The following UQCC5 variants were observed in gnomAD, a reference collection of about 807,000 sequenced individuals.
UQCC5 encodes UPF0640 protein C3orf78.
At chr3:52,540,002 G>A in the UQCC5 span, among the ~76,000 whole-genome samples, 1 of 152,214 alleles carries the variant, frequency 6.6e-6, no homozygotes, top group Non-Finnish European at 1.5e-5. Flanking sequence ...GCTGGAACAA[G>A]GAAACTGATC....
At chr3:52,539,156 T>C in the UQCC5 span, among the ~76,000 whole-genome samples, 1 of 152,016 alleles carries the variant, frequency 6.6e-6, no homozygotes, top group South Asian at 2.1e-4. Context: ...GTTAGAGGCA[T>C]CAGTTGGCCC....
chr3:52,539,762 C>T, the UQCC5 span, among the ~76,000 whole-genome samples: 1 of 151,914 alleles, frequency 6.6e-6, no homozygotes, highest in African/African-American at 2.4e-5. Flanking sequence ...CCTAAGCCTC[C>T]TGAGTAGCTG....
chr3:52,537,658 C>T, the UQCC5 span, among the ~76,000 whole-genome samples: 1 of 152,118 alleles, frequency 6.6e-6, no homozygotes, highest in African/African-American at 2.4e-5. Context: ...GCAGAGGTGT[C>T]CCTTACCCCA....
At chr3:52,536,754 G>C in the UQCC5 span, 1 of 1,551,854 alleles carries the variant, frequency 6.4e-7, no homozygotes, top group Non-Finnish European at 8.7e-7. Context: ...CCTCGGTCGA[G>C]CATGTTCACC....
chr3:52,539,179 C>T, the UQCC5 span, among the ~76,000 whole-genome samples: 1 of 152,102 alleles, frequency 6.6e-6, no homozygotes, highest in Non-Finnish European at 1.5e-5. Context: ...CAGGACACAG[C>T]AAGCAGGGTG....
chr3:52,536,613 G>C, the UQCC5 span: 684 of 1,457,724 alleles, frequency 4.7e-4, 1 homozygote, highest in Non-Finnish European at 3.2e-4. Flanking sequence ...GCACTCGTGC[G>C]CCTACCAGAC....
At chr3:52,536,720 GT>G in the UQCC5 span, 2 of 1,551,054 alleles carry the variant, frequency 1.3e-6, no homozygotes, top group African/African-American at 2.7e-5. Flanking sequence ...CCAGTGCTTA[GT>G]TCCGTCATAT....
At chr3:52,537,165 AC>A in the UQCC5 span, among the ~76,000 whole-genome samples, 2 of 151,960 alleles carry the variant, frequency 1.3e-5, no homozygotes, top group East Asian at 3.9e-4. Context: ...CCTGCCCTTC[AC>A]CCCTGCCGGT....
chr3:52,537,001 C>T, the UQCC5 span: 1 of 1,475,440 alleles, frequency 6.8e-7, no homozygotes, highest in Non-Finnish European at 9.2e-7. Flanking sequence ...TTGCAGACCG[C>T]GCATTCCACT....
chr3:52,539,887 T>C, the UQCC5 span, among the ~76,000 whole-genome samples: 10 of 152,188 alleles, frequency 6.6e-5, no homozygotes, highest in Non-Finnish European at 1.5e-4. Flanking sequence ...TCCGCCTGCC[T>C]CGGCCTCCCA....
chr3:52,541,311 C>G, the UQCC5 span: 2 of 152,118 alleles, frequency 1.3e-5, no homozygotes, highest in Admixed American at 1.3e-4. Context: ...ATAGCCACAT[C>G]TAACATCGTT....
the UQCC5 span, among the ~76,000 whole-genome samples, chr3:52,539,731 TG>T: frequency 6.6e-6 from 1 of 151,420 alleles, no homozygotes; most frequent in South Asian, 2.1e-4. Flanking sequence ...CTCTGCCTCC[TG>T]GGTTCAAGCG....
the UQCC5 span, among the ~76,000 whole-genome samples, chr3:52,539,638 A>ATTT: frequency 7.2e-6 from 1 of 139,736 alleles, no homozygotes. Flanking sequence ...AAGGAAGAAG[A>ATTT]TTTTTTTTTT....
chr3:52,541,363 A>G, the UQCC5 span: 2 of 152,214 alleles, frequency 1.3e-5, no homozygotes, highest in Non-Finnish European at 2.9e-5. Context: ...TAAGTTTCAG[A>G]ATAGTTTCTA....
the UQCC5 span, chr3:52,540,613 A>G: frequency 1.0e-5 from 7 of 683,048 alleles, 1 homozygote; most frequent in Non-Finnish European, 1.6e-5. Context: ...CAATATTCCA[A>G]TAACTGTTTT....
At chr3:52,538,986 G>C in the UQCC5 span, among the ~76,000 whole-genome samples, 1 of 152,216 alleles carries the variant, frequency 6.6e-6, no homozygotes, top group Non-Finnish European at 1.5e-5. Context: ...TGGGACCAGA[G>C]CTGGGTGACA....
the UQCC5 span, chr3:52,537,024 C>A: frequency 7.3e-7 from 1 of 1,363,554 alleles, no homozygotes; most frequent in Non-Finnish European, 1.0e-6. Flanking sequence ...GAGCGCTGGG[C>A]GAGTGCAGTT....
chr3:52,540,911 A>G, the UQCC5 span: 1 of 153,892 alleles, frequency 6.5e-6, no homozygotes, highest in African/African-American at 2.4e-5. Flanking sequence ...AAACCAGGAT[A>G]ATTATGCAGG....
chr3:52,541,048 C>T, the UQCC5 span: 1 of 152,362 alleles, frequency 6.6e-6, no homozygotes, highest in African/African-American at 2.4e-5. Flanking sequence ...CTTGGCTCCC[C>T]TAAACTGCAA....
Sources: gnomAD v4.1 joint callset for allele counts (sites outside exome capture counted in the v4.1 genomes callset) on GRCh38, gnomAD v4.1.1 for gene constraint, MANE v1.5 for transcripts, NCBI Gene and HGNC (gene_info 2026-07-23, HGNC 2026-07-21) for gene names.